The following ELMO1 variants were observed in gnomAD, a reference collection of about 807,000 sequenced individuals.
ELMO1 encodes the protein engulfment and cell motility 1.
A neutral mutation model predicts 98.9 loss-of-function variants in ELMO1; 26 were observed. The observed-to-expected ratio is 0.26, with a 90% CI of 0.19 to 0.36. The LOEUF (loss-of-function observed/expected upper bound fraction) is 0.36, where lower values mean the gene tolerates loss of function less well. Among genes scored for constraint, ELMO1 ranks in the 10% least tolerant of loss-of-function variants. The probability of loss-of-function intolerance (pLI) is 1.00; values close to 1 mark genes in which losing one functional copy is unlikely to be tolerated. For missense variants in ELMO1, 627 were observed against 935.2 expected (o/e 0.67, Z 4.30); for synonymous variants, 346 against 346.0 (o/e 1.00, Z 0.00).
intron 4 of ELMO1, among the ~76,000 whole-genome samples, chr7:37,312,198 T>C (rs1414314262): frequency 6.6e-6 from 1 of 152,206 alleles, no homozygotes; most frequent in Admixed American, 6.5e-5. Context: ...GTTCAAGTGA[T>C]ACTCCTGCCT....
intron 13 of ELMO1, among the ~76,000 whole-genome samples, chr7:37,146,037 C>T (rs193214719): frequency 1.3e-5 from 2 of 152,210 alleles, no homozygotes; most frequent in Non-Finnish European, 1.5e-5. Context: ...CCTGAAAATC[C>T]CCTGGGGAGC....
intron 13 of ELMO1, among the ~76,000 whole-genome samples, chr7:37,180,559 G>A (rs1388217858): frequency 1.3e-5 from 2 of 152,162 alleles, no homozygotes; most frequent in African/African-American, 2.4e-5. Flanking sequence ...CTGCATCCTC[G>A]TCTAGGAAAG....
intron 1 of ELMO1, among the ~76,000 whole-genome samples, chr7:37,445,379 T>C (rs1177247424): frequency 6.6e-6 from 1 of 152,218 alleles, no homozygotes; most frequent in Non-Finnish European, 1.5e-5. Flanking sequence ...GGTTACAAGC[T>C]TGAGTTACAA....
At chr7:37,253,623 T>A (rs990576126) in intron 6 of ELMO1, among the ~76,000 whole-genome samples, 31 of 151,696 alleles carry the variant, frequency 2.0e-4, no homozygotes, top group South Asian at 2.1e-4. Flanking sequence ...AAATACCTAA[T>A]GCAGATGACG....
At chr7:37,005,692 CAAAAAAAAAAA>C (rs71553094) in intron 16 of ELMO1, among the ~76,000 whole-genome samples, 19 of 37,512 alleles carry the variant, frequency 5.1e-4, no homozygotes, top group East Asian at 1.0e-3. Flanking sequence ...GACTCTGTCT[CAAAAAAAAAAA>C]AAAAAAAAAA....
chr7:37,015,924 A>G (rs1387039740), intron 15 of ELMO1, among the ~76,000 whole-genome samples: 1 of 152,198 alleles, frequency 6.6e-6, no homozygotes, highest in African/African-American at 2.4e-5. Context: ...TGAAGTTTTG[A>G]CTTGCGATAC....
At position 36,971,974 on chromosome 7, in the gene ELMO1, T is replaced by C. The variant is rs536220973; in HGVS notation, c.1437+41325A>G. Among the ~76,000 whole-genome samples, 51 of 152,296 alleles carry C rather than the reference T, an allele frequency of 3.3e-4. 2 individuals are homozygous for C. In the South Asian group the frequency reaches 9.8e-3, roughly 29 times the overall value. On this transcript the variant is annotated intron_variant, in intron 16 of 21. Transcript: ENST00000310758. ...AAACTTCTAGAATTCCAGGGGACCA[T>C]GCGGGCTTTCTTTCTTGCTGTGTGA...
At chr7:37,170,383 A>C (rs985312317) in intron 13 of ELMO1, among the ~76,000 whole-genome samples, 1 of 152,202 alleles carries the variant, frequency 6.6e-6, no homozygotes, top group Non-Finnish European at 1.5e-5. Flanking sequence ...ACTGTAATGA[A>C]AACCCTGAGA....
intron 1 of ELMO1, among the ~76,000 whole-genome samples, chr7:37,366,749 A>G (rs1882070): frequency 0.22 from 33,794 of 152,156 alleles, 4,773 homozygotes; most frequent in East Asian, 0.59. Flanking sequence ...CAACTTCAGC[A>G]ATAGCATTCT....
intron 13 of ELMO1, among the ~76,000 whole-genome samples, chr7:37,210,159 T>C (rs1792872676): frequency 6.6e-6 from 1 of 152,176 alleles, no homozygotes; most frequent in Non-Finnish European, 1.5e-5. Context: ...AATTAGACAG[T>C]ATCAAAAGCC....
chr7:37,284,024 G>T (rs922773651), intron 4 of ELMO1, among the ~76,000 whole-genome samples: 3 of 152,006 alleles, frequency 2.0e-5, no homozygotes, highest in African/African-American at 7.2e-5. Flanking sequence ...TGAGCACTAG[G>T]GGAGTATGAT....
intron 3 of ELMO1, 41 bp from the exon 4 acceptor site, chr7:37,314,963 G>A: frequency 1.3e-6 from 2 of 1,572,576 alleles, no homozygotes; most frequent in Non-Finnish European, 8.7e-7. Flanking sequence ...AAATGAAAGT[G>A]GCCATTTTCA....
chr7:37,092,789 G>C (rs193213380), intron 15 of ELMO1, among the ~76,000 whole-genome samples: 26 of 152,202 alleles, frequency 1.7e-4, no homozygotes, highest in Admixed American at 1.6e-3. Context: ...CAGCGGCTCA[G>C]AACAGAGAAG....
intron 16 of ELMO1, among the ~76,000 whole-genome samples, chr7:36,933,683 A>G (rs1056958617): frequency 6.6e-6 from 1 of 152,084 alleles, no homozygotes; most frequent in Non-Finnish European, 1.5e-5. Flanking sequence ...ACACATGACA[A>G]CTCAGGGAGT....
chr7:37,031,291 G>A (rs147201508), intron 15 of ELMO1, among the ~76,000 whole-genome samples: 1,659 of 152,040 alleles, frequency 0.011, 11 homozygotes, highest in Admixed American at 0.015. Context: ...ACCCTGACTC[G>A]CCCTGAATGA....
At chr7:37,328,349 C>T (rs1049016296) in intron 2 of ELMO1, among the ~76,000 whole-genome samples, 7 of 137,180 alleles carry the variant, frequency 5.1e-5, no homozygotes, top group Non-Finnish European at 1.1e-4. Flanking sequence ...TGCCACTGCA[C>T]TCCAGCTCTG....
intron 13 of ELMO1, among the ~76,000 whole-genome samples, chr7:37,164,925 G>A (rs1408496607): frequency 6.6e-6 from 1 of 151,542 alleles, no homozygotes; most frequent in Non-Finnish European, 1.5e-5. Context: ...AAATTACCTT[G>A]GGCAGTATGG....
intron 2 of ELMO1, among the ~76,000 whole-genome samples, chr7:37,341,358 G>A (rs774086061): frequency 2.0e-5 from 3 of 152,112 alleles, no homozygotes; most frequent in Non-Finnish European, 4.4e-5. Context: ...TTTTCTTAAG[G>A]TAAATTTTAA....
intron 8 of ELMO1, among the ~76,000 whole-genome samples, chr7:37,226,036 C>T (rs1793856419): frequency 6.6e-6 from 1 of 152,090 alleles, no homozygotes; most frequent in Admixed American, 6.6e-5. Flanking sequence ...TCCATCTTTG[C>T]ACATGATAAA....
Sources: allele counts gnomAD v4.1 joint callset (sites outside exome capture counted in the v4.1 genomes callset), GRCh38; gene constraint gnomAD v4.1.1; transcripts MANE v1.5; gene names NCBI Gene and HGNC (gene_info 2026-07-23, HGNC 2026-07-21).